The following DCLK3 variants were observed in gnomAD, a reference collection of about 807,000 sequenced individuals.
The protein encoded by DCLK3 is serine/threonine-protein kinase DCLK3.
In DCLK3, 30 loss-of-function variants were observed where a neutral mutation model predicts 46.4. The ratio of observed to expected loss-of-function variants is 0.65; its 90% CI spans 0.48 to 0.88. The LOEUF (loss-of-function observed/expected upper bound fraction) is 0.88, where lower values mean the gene tolerates loss of function less well. Among genes scored for constraint, DCLK3 ranks in the 40% least tolerant of loss-of-function variants. DCLK3 has a pLI of 0.00. For missense variants in DCLK3, 846 were observed against 907.1 expected (o/e 0.93, Z 0.87); for synonymous variants, 401 against 339.2 (o/e 1.18, Z -2.00).
chr3:36,718,517 C>T (rs1701015578), intron 3 of DCLK3, among the ~76,000 whole-genome samples: 1 of 152,216 alleles, frequency 6.6e-6, no homozygotes, highest in African/African-American at 2.4e-5. Context: ...GATTGAAGGG[C>T]ACATCTTGTT....
At chr3:36,717,133 A>G (rs1700994033) in intron 4 of DCLK3, among the ~76,000 whole-genome samples, 1 of 152,170 alleles carries the variant, frequency 6.6e-6, no homozygotes, top group African/African-American at 2.4e-5. Flanking sequence ...TTTTATTTTT[A>G]TTTTGAACCA....
intron 1 of DCLK3, among the ~76,000 whole-genome samples, chr3:36,747,000 G>A (rs1448048620): frequency 6.6e-6 from 1 of 152,212 alleles, no homozygotes; most frequent in South Asian, 2.1e-4. Context: ...GTATCCTTTT[G>A]GGAGTGCAAG....
Position 36,718,231 on chromosome 3 carries a change from G to A in DCLK3, c.2093-54C>T, listed in dbSNP as rs750016832. On this transcript the variant is annotated intron_variant, in intron 3 of 4. Transcript: ENST00000636136. ...AAACCTGAGACCAGGCAGGGTCAAA[G>A]GTGATGAAATAAATGATGGAGTATT... The A allele has an allele frequency of 8.7e-6, 14 of 1,607,466 alleles. No individual in the cohort carries two copies. The Admixed American group carries it at 2.0e-4, about 23-fold the overall frequency.
intron 1 of DCLK3, among the ~76,000 whole-genome samples, chr3:36,750,833 T>C (rs983492487): frequency 6.6e-5 from 10 of 151,950 alleles, no homozygotes; most frequent in Non-Finnish European, 1.5e-4. Context: ...GATTTAGAGG[T>C]GTCATTTATA....
chr3:36,756,815 G>A (rs1335689897), intron 1 of DCLK3, among the ~76,000 whole-genome samples: 1 of 151,816 alleles, frequency 6.6e-6, no homozygotes, highest in Non-Finnish European at 1.5e-5. Context: ...AAAAAACATG[G>A]TGCCATCCTC....
At chr3:36,744,465 G>T (rs1032592779) in intron 1 of DCLK3, among the ~76,000 whole-genome samples, 1 of 152,208 alleles carries the variant, frequency 6.6e-6, no homozygotes, top group Admixed American at 6.5e-5. Context: ...TTGTTTTAGC[G>T]CAAAGAACAC....
chr3:36,716,227 A>G (rs1011471394), intron 4 of DCLK3, among the ~76,000 whole-genome samples: 2 of 152,214 alleles, frequency 1.3e-5, no homozygotes, highest in African/African-American at 4.8e-5. Flanking sequence ...AGCCTGGCTC[A>G]TTGAGACTGC....
At chr3:36,718,854 A>C (rs540704509) in intron 3 of DCLK3, among the ~76,000 whole-genome samples, 3 of 152,124 alleles carry the variant, frequency 2.0e-5, no homozygotes, top group African/African-American at 7.2e-5. Flanking sequence ...GCACACACCT[A>C]TATAGAGACA....
At chr3:36,735,843 C>T (rs528206527) in intron 2 of DCLK3, among the ~76,000 whole-genome samples, 3 of 152,318 alleles carry the variant, frequency 2.0e-5, no homozygotes, top group African/African-American at 7.2e-5. Context: ...ATTCATACAA[C>T]TCACATGTAT....
At position 36,737,127 on chromosome 3, in the gene DCLK3, CAG is replaced by C. The variant is rs1701272407; in HGVS notation, c.1959+79_1959+80del. 4 of 1,488,814 alleles carry C rather than the reference CAG, an allele frequency of 2.7e-6. No homozygotes were observed. In the Admixed American group the frequency reaches 7.0e-5, roughly 26 times the overall value. 92.2% of individuals were successfully genotyped at this position (1,488,814 alleles called of 1,614,324 possible). On this transcript the variant is annotated intron_variant, in intron 2 of 4. Coordinates refer to ENST00000636136, the MANE Select transcript of DCLK3 (RefSeq NM_001394672.2). This position sits in a 1 kb window ranked among gnomAD's most constrained non-coding sequence, Gnocchi z 4.4. ...GTAAAATTCTAGTGTGTAAAGGTGA[CAG>C]AGTATAAAACAATTAATATCAATTT...
intron 1 of DCLK3, among the ~76,000 whole-genome samples, chr3:36,753,196 A>G (rs1420423798): frequency 6.6e-6 from 1 of 152,246 alleles, no homozygotes; most frequent in Non-Finnish European, 1.5e-5. Flanking sequence ...GAGTTTTTTG[A>G]CAGTTATTCA....
At chr3:36,731,479 ACAC>A (rs1372514755) in intron 2 of DCLK3, among the ~76,000 whole-genome samples, 1 of 147,342 alleles carries the variant, frequency 6.8e-6, no homozygotes, top group Non-Finnish European at 1.5e-5. Flanking sequence ...ACACACACAC[ACAC>A]CCTTGAAAGA....
chr3:36,757,413 G>T (rs540335278), intron 1 of DCLK3, among the ~76,000 whole-genome samples: 24 of 152,158 alleles, frequency 1.6e-4, no homozygotes, highest in Non-Finnish European at 3.2e-4. Flanking sequence ...ACATTATATG[G>T]CATGACAGCT....
chr3:36,744,270 A>G (rs1266234656), intron 1 of DCLK3, among the ~76,000 whole-genome samples: 2 of 152,254 alleles, frequency 1.3e-5, no homozygotes, highest in Non-Finnish European at 2.9e-5. Flanking sequence ...ATAACTGAGC[A>G]TTGCTAATTG....
At chr3:36,754,623 T>A (rs1431079633) in intron 1 of DCLK3, among the ~76,000 whole-genome samples, 1 of 152,236 alleles carries the variant, frequency 6.6e-6, no homozygotes, top group Non-Finnish European at 1.5e-5. Context: ...GTTTTAAATG[T>A]GTGAGAGATT....
At chr3:36,755,214 C>A (rs1701475400) in intron 1 of DCLK3, among the ~76,000 whole-genome samples, 1 of 152,168 alleles carries the variant, frequency 6.6e-6, no homozygotes, top group Non-Finnish European at 1.5e-5. Flanking sequence ...ATCAGTTCTT[C>A]CCATTTGTAA....
intron 3 of DCLK3, 125 bp from the exon 4 acceptor site, chr3:36,718,302 A>T: frequency 7.5e-7 from 1 of 1,324,770 alleles, no homozygotes; most frequent in Non-Finnish European, 1.0e-6. Flanking sequence ...AGCTCTCAGC[A>T]ACCAAGAGCC....
chr3:36,743,826 C>A (rs1455266601), intron 1 of DCLK3, among the ~76,000 whole-genome samples: 1 of 152,084 alleles, frequency 6.6e-6, no homozygotes, highest in African/African-American at 2.4e-5. Flanking sequence ...AGGCCCTTCA[C>A]AATTCCAACC....
intron 2 of DCLK3, among the ~76,000 whole-genome samples, chr3:36,728,576 C>A (rs1022437071): frequency 6.6e-6 from 1 of 152,134 alleles, no homozygotes; most frequent in Non-Finnish European, 1.5e-5. Context: ...GACATCAGAA[C>A]TGCAGGCTTT....
Sources: gnomAD v4.1 joint callset for allele counts (sites outside exome capture counted in the v4.1 genomes callset) on GRCh38, gnomAD v4.1.1 for gene constraint, Gnocchi (gnomAD v3.1) non-coding constraint, MANE v1.5 for transcripts, NCBI Gene and HGNC (gene_info 2026-07-23, HGNC 2026-07-21) for gene names.